Variants in PCSK6 observed in about 807,000 individuals in gnomAD.
The protein encoded by PCSK6 is proprotein convertase subtilisin/kexin type 6, also known as paired basic amino acid cleaving enzyme 4.
PCSK6 carries 85 observed loss-of-function variants against 123.3 expected under a neutral mutation model. The observed-to-expected ratio is 0.69, with a 90% CI of 0.58 to 0.83. PCSK6 has a LOEUF of 0.83. PCSK6 is among the 40% of genes least tolerant of loss of function. PCSK6 has a pLI of 0.00. For missense variants in PCSK6, 1,191 were observed against 1,282.3 expected (o/e 0.93, Z 1.09); for synonymous variants, 508 against 516.0 (o/e 0.98, Z 0.21).
chr15:101,335,321 T>C (rs929918298), intron 13 of PCSK6, among the ~76,000 whole-genome samples: 3 of 152,252 alleles, frequency 2.0e-5, no homozygotes, highest in Non-Finnish European at 1.5e-5. Context: ...ATTAAAACTT[T>C]TTAAAAGTTT....
intron 6 of PCSK6, among the ~76,000 whole-genome samples, chr15:101,410,237 T>A (rs1213170071): frequency 6.6e-6 from 1 of 152,132 alleles, no homozygotes; most frequent in Admixed American, 6.5e-5. Flanking sequence ...GGCCAGGGCC[T>A]TTAGAATTCT....
chr15:101,328,180 C>T (rs920731741), intron 15 of PCSK6, among the ~76,000 whole-genome samples: 14 of 152,246 alleles, frequency 9.2e-5, no homozygotes, highest in Admixed American at 3.9e-4. Context: ...GCCCAGCGAA[C>T]GCGGGGCTGT....
Position 101,430,050 on chromosome 15 carries a change from C to A in PCSK6, c.671G>T (p.Ser224Ile). The A allele has an allele frequency of 1.2e-6, 2 of 1,613,834 alleles. No individual in the cohort carries two copies. The part of the protein sequence containing the change: ...DLAPNYDSYA[S>I]YDVNGNDYDP... ...ATAATCATTGCCGTTCACGTCGTAGCTGGCGTAGGAATCCTAAGAAATGGA... is the reference window on the plus strand; with the variant it reads ...ATAATCATTGCCGTTCACGTCGTAGATGGCGTAGGAATCCTAAGAAATGGA... The change falls in exon 5 of 22, where the codon AGC (serine) becomes ATC (isoleucine). Residue 224 changes from serine to isoleucine, a missense_variant. Coordinates refer to ENST00000611716, the MANE Select transcript of PCSK6 (RefSeq NM_002570.5).
chr15:101,421,546 C>T (rs1395188844), intron 6 of PCSK6, among the ~76,000 whole-genome samples: 6 of 152,160 alleles, frequency 3.9e-5, no homozygotes, highest in African/African-American at 1.2e-4. Flanking sequence ...TCTTGAATCA[C>T]TTGTTATAAA....
chr15:101,324,886 C>T lies in PCSK6; in HGVS notation c.2341G>A (p.Val781Met), dbSNP rs377453701. ...TAAAATCCTGCAGGACAGAGGGTCACACAGGTGTTCATCTCCTGGTGGTGA... is the reference window on the plus strand; with the variant it reads ...TAAAATCCTGCAGGACAGAGGGTCATACAGGTGTTCATCTCCTGGTGGTGA... ...FYHHQEMNTCVTLCPAGFYAD... is the reference protein window; with the variant it reads ...FYHHQEMNTCMTLCPAGFYAD... Residue 781 changes from valine to methionine, a missense_variant, in exon 17 of 22, where the codon GTG becomes ATG. By Grantham distance (21) the Val-to-Met change is conservative. Coordinates refer to ENST00000611716, the MANE Select transcript of PCSK6 (RefSeq NM_002570.5). The T allele has an allele frequency of 7.3e-5, 118 of 1,613,646 alleles. 1 individual carries two copies. The South Asian group carries it at 1.0e-3, about 14-fold the overall frequency.
intron 1 of PCSK6, among the ~76,000 whole-genome samples, chr15:101,467,354 C>T (rs1197913466): frequency 6.6e-6 from 1 of 152,042 alleles, no homozygotes; most frequent in African/African-American, 2.4e-5. Flanking sequence ...CTCACTGCCA[C>T]CTCTGCCTCC....
Position 101,392,593 on chromosome 15 carries a change from C to CTTTTTTTTTTTTTTTTTTTTTTT in PCSK6, c.1209+618_1209+619insAAAAAAAAAAAAAAAAAAAAAAA, listed in dbSNP as rs10525638. Among the ~76,000 whole-genome samples, 55 of 122,336 alleles carry CTTTTTTTTTTTTTTTTTTTTTTT rather than the reference C, an allele frequency of 4.5e-4. 4 individuals carry two copies. The highest frequency in any genetic ancestry group is 1.6e-3 in the African/African-American group (48 of 30,426). The allele number at this position is 122,336 out of a possible 152,430, so 80.3% of individuals were successfully genotyped here. ...TTTGAACTGGAAACCCTCCCTTCCT[C>CTTTTTTTTTTTTTTTTTTTTTTT]TTTTTTTTTTTTTTTTTAAGTAGGA... On this transcript the variant is annotated intron_variant, in intron 8 of 21. Transcript: ENST00000611716.
intron 13 of PCSK6, among the ~76,000 whole-genome samples, chr15:101,341,999 G>A (rs186720718): frequency 1.3e-5 from 2 of 151,950 alleles, no homozygotes; most frequent in East Asian, 1.9e-4. Context: ...GCGCGGTGGT[G>A]CATGCCTGTA....
In PCSK6 at chr15:101,358,586, C is replaced by A. The variant is rs556521189; in HGVS notation, c.1858+7610G>T. On this transcript the variant is annotated intron_variant, in intron 13 of 21. Transcript: ENST00000611716. ...CACTGGCATAGCATCTGGCACATGG[C>A]AGGACCTCTGCAAAATGCATCGGAG... Among the ~76,000 whole-genome samples, 8 of 152,356 alleles carry A rather than the reference C, an allele frequency of 5.3e-5. No individual in the cohort carries two copies. In the South Asian group the frequency reaches 1.0e-3, roughly 20 times the overall value.
chr15:101,362,814 T>C (rs948953891), intron 13 of PCSK6, among the ~76,000 whole-genome samples: 47 of 152,252 alleles, frequency 3.1e-4, no homozygotes, highest in African/African-American at 1.1e-3. Flanking sequence ...TACCCCCAGG[T>C]AGAAGGGCTC....
chr15:101,418,341 A>G (rs993633118), intron 6 of PCSK6, among the ~76,000 whole-genome samples: 1 of 152,184 alleles, frequency 6.6e-6, no homozygotes, highest in Non-Finnish European at 1.5e-5. Context: ...CCTGACTCTG[A>G]TAAACAAGTT....
chr15:101,398,687 CA>C lies in PCSK6; in HGVS notation c.824-112del. 3.4e-6 allele frequency: 4 copies of C among 1,175,730 alleles called. No homozygotes were observed. Among genetic ancestry groups the C allele is most frequent in the Non-Finnish European group, 4.7e-6 (4 of 847,596 alleles). The allele number at this position is 1,175,730 out of a possible 1,614,324, so 72.8% of individuals were successfully genotyped here. On this transcript the variant is annotated intron_variant, in intron 6 of 21. Transcript: ENST00000611716. The surrounding 1 kb of genome is among the most constrained non-coding windows in gnomAD (Gnocchi z 4.6). ...GACACCGCATCACAGAGTCCCTCCC[CA>C]GCAGGGGCTGTTCCCAGTCATTCTG...
intron 13 of PCSK6, chr15:101,346,826 G>T (rs1266459749): frequency 8.1e-7 from 1 of 1,231,576 alleles, no homozygotes. Flanking sequence ...TGGAGATACA[G>T]AACCGACTAA....
chr15:101,410,471 A>G (rs2042913832), intron 6 of PCSK6, among the ~76,000 whole-genome samples: 1 of 152,208 alleles, frequency 6.6e-6, no homozygotes, highest in Non-Finnish European at 1.5e-5. Context: ...AGAGCAAAGA[A>G]AGGATGAATA....
intron 9 of PCSK6, among the ~76,000 whole-genome samples, chr15:101,385,192 A>AT (rs1393713649): frequency 4.6e-5 from 7 of 151,318 alleles, no homozygotes; most frequent in Non-Finnish European, 7.4e-5. Flanking sequence ...AATTTTTTAC[A>AT]TTTTTTGTAG....
At chr15:101,336,239 TAA>T (rs2141378636) in intron 13 of PCSK6, among the ~76,000 whole-genome samples, 1 of 152,370 alleles carries the variant, frequency 6.6e-6, no homozygotes, top group South Asian at 2.1e-4. Flanking sequence ...AACGTGGGGA[TAA>T]TAATAACGTC....
intron 13 of PCSK6, among the ~76,000 whole-genome samples, chr15:101,353,510 G>A (rs777289435): frequency 4.6e-5 from 7 of 152,194 alleles, no homozygotes; most frequent in Admixed American, 2.6e-4. Context: ...TTCTCAGAAG[G>A]CCTGCTGCTC....
chr15:101,331,643 A>T lies in PCSK6; in HGVS notation c.2077+8T>A. 4 of 1,613,098 alleles carry T rather than the reference A, an allele frequency of 2.5e-6. No individual in the cohort carries two copies. Among genetic ancestry groups the T allele is most frequent in the Non-Finnish European group, 3.4e-6 (4 of 1,179,282 alleles). On this transcript the variant is annotated splice_region_variant and intron_variant, in intron 15 of 21. Coordinates refer to ENST00000611716, the MANE Select transcript of PCSK6 (RefSeq NM_002570.5). ...TGGAAAATACTTACTGGTTTGAAGCATACTTACTGGTCTGTAAAATATTAG... is the reference window on the plus strand; with the variant it reads ...TGGAAAATACTTACTGGTTTGAAGCTTACTTACTGGTCTGTAAAATATTAG...
intron 2 of PCSK6, among the ~76,000 whole-genome samples, chr15:101,435,894 C>T (rs1314174947): frequency 6.6e-6 from 1 of 152,222 alleles, no homozygotes; most frequent in Admixed American, 6.5e-5. Flanking sequence ...TCCATGCCAC[C>T]GAGTTGTGAT....
Sources: allele counts gnomAD v4.1 joint callset (sites outside exome capture counted in the v4.1 genomes callset), GRCh38; gene constraint gnomAD v4.1.1; non-coding constraint Gnocchi (gnomAD v3.1); transcripts MANE v1.5; gene names NCBI Gene and HGNC (gene_info 2026-07-23, HGNC 2026-07-21).